ARK2N: variants seen among roughly 807,000 people sequenced by gnomAD.
ARK2N encodes arkadia (RNF111) N-terminal like PKA signaling regulator 2N, also known as protein ARK2N.
chr18:46,202,713 G>A, the ARK2N span, among the ~76,000 whole-genome samples: 11 of 151,478 alleles, frequency 7.3e-5, no homozygotes, highest in East Asian at 1.9e-4. Context: ...GCTTGAACCC[G>A]GGAGGCAGAG....
At chr18:46,229,896 G>T in the ARK2N span, among the ~76,000 whole-genome samples, 1 of 151,892 alleles carries the variant, frequency 6.6e-6, no homozygotes, top group East Asian at 1.9e-4. Context: ...GAGCCACCAC[G>T]CCTCGCCTTG....
chr18:46,202,613 C>T, the ARK2N span, among the ~76,000 whole-genome samples: 3 of 151,896 alleles, frequency 2.0e-5, no homozygotes, highest in East Asian at 5.8e-4. Context: ...CGTAGCGAAA[C>T]CCCGTCTCTA....
At chr18:46,265,227 T>C in the ARK2N span, 4 of 152,714 alleles carry the variant, frequency 2.6e-5, no homozygotes, top group African/African-American at 9.6e-5. Context: ...GAGTGGATGA[T>C]GTGACTTGAA....
the ARK2N span, among the ~76,000 whole-genome samples, chr18:46,207,172 T>C: frequency 1.3e-5 from 2 of 152,162 alleles, no homozygotes; most frequent in African/African-American, 4.8e-5. Context: ...TCCACTACCT[T>C]ACCTCAGTCA....
At chr18:46,246,033 T>C in the ARK2N span, among the ~76,000 whole-genome samples, 1 of 152,226 alleles carries the variant, frequency 6.6e-6, no homozygotes, top group African/African-American at 2.4e-5. Flanking sequence ...AATAGCTAAA[T>C]ATAAGTGCTC....
the ARK2N span, among the ~76,000 whole-genome samples, chr18:46,212,660 G>C: frequency 6.6e-6 from 1 of 151,866 alleles, no homozygotes; most frequent in Admixed American, 6.6e-5. Context: ...ACTAATTTAG[G>C]TAGTATAAAT....
the ARK2N span, chr18:46,219,287 T>C: frequency 6.6e-6 from 1 of 152,124 alleles, no homozygotes; most frequent in African/African-American, 2.4e-5. Context: ...TTTGGAAATA[T>C]ATTGATGTTT....
At chr18:46,181,510 C>T in the ARK2N span, among the ~76,000 whole-genome samples, 5 of 151,990 alleles carry the variant, frequency 3.3e-5, no homozygotes, top group South Asian at 6.2e-4. Context: ...GTCAGGAGAT[C>T]GAGACCATCC....
chr18:46,186,858 C>CT, the ARK2N span, among the ~76,000 whole-genome samples: 369 of 129,946 alleles, frequency 2.8e-3, 2 homozygotes, highest in Non-Finnish European at 3.0e-3. Flanking sequence ...CTTACTACTA[C>CT]TTTTTTTTTT....
At chr18:46,187,534 G>A in the ARK2N span, among the ~76,000 whole-genome samples, 2 of 151,910 alleles carry the variant, frequency 1.3e-5, no homozygotes, top group African/African-American at 4.8e-5. Context: ...TAGACACAGG[G>A]TTTCACCATG....
the ARK2N span, chr18:46,266,114 A>C: frequency 1.3e-5 from 2 of 152,248 alleles, no homozygotes; most frequent in Non-Finnish European, 2.9e-5. Flanking sequence ...CTTGGCAATC[A>C]AACATCCCAT....
the ARK2N span, among the ~76,000 whole-genome samples, chr18:46,244,870 A>G: frequency 6.6e-6 from 1 of 151,820 alleles, no homozygotes; most frequent in Non-Finnish European, 1.5e-5. Context: ...CGAAGTGCTA[A>G]GATTACAGGC....
At chr18:46,239,077 G>T in the ARK2N span, among the ~76,000 whole-genome samples, 1 of 152,102 alleles carries the variant, frequency 6.6e-6, no homozygotes, top group African/African-American at 2.4e-5. Context: ...TTTGCTTTTT[G>T]CTGTTAACGT....
At chr18:46,242,247 TAAA>T in the ARK2N span, among the ~76,000 whole-genome samples, 1 of 152,166 alleles carries the variant, frequency 6.6e-6, no homozygotes, top group African/African-American at 2.4e-5. Context: ...AGTTTTGGGG[TAAA>T]AAATGAATGA....
chr18:46,208,031 C>T, the ARK2N span, among the ~76,000 whole-genome samples: 1 of 152,158 alleles, frequency 6.6e-6, no homozygotes, highest in Non-Finnish European at 1.5e-5. Context: ...CAACTTTTAC[C>T]TTCTCTGCAC....
chr18:46,214,605 A>G, the ARK2N span, among the ~76,000 whole-genome samples: 2 of 152,252 alleles, frequency 1.3e-5, no homozygotes, highest in Non-Finnish European at 2.9e-5. Flanking sequence ...TATATAGGTC[A>G]TAAGCTTTTG....
the ARK2N span, among the ~76,000 whole-genome samples, chr18:46,187,918 A>C: frequency 6.6e-6 from 1 of 152,194 alleles, no homozygotes; most frequent in Non-Finnish European, 1.5e-5. Flanking sequence ...CTAAACTGCT[A>C]TGAGGCTAAA....
chr18:46,249,422 C>T, the ARK2N span, among the ~76,000 whole-genome samples: 6 of 151,414 alleles, frequency 4.0e-5, no homozygotes, highest in Non-Finnish European at 5.9e-5. Flanking sequence ...TTAGTAGAGA[C>T]GCGGTTTCAC....
the ARK2N span, among the ~76,000 whole-genome samples, chr18:46,245,573 T>TA: frequency 0.52 from 60,839 of 117,186 alleles, 14,635 homozygotes; most frequent in Middle Eastern, 0.65. Flanking sequence ...TCTGTCTCAA[T>TA]AAAAAAAAAA....
Sources: gnomAD v4.1 joint callset for allele counts (sites outside exome capture counted in the v4.1 genomes callset) on GRCh38, gnomAD v4.1.1 for gene constraint, MANE v1.5 for transcripts, NCBI Gene and HGNC (gene_info 2026-07-23, HGNC 2026-07-21) for gene names.